GRSF1: variants seen among roughly 807,000 people sequenced by gnomAD.
GRSF1 encodes G-rich RNA sequence binding factor 1.
GRSF1 carries 50 observed loss-of-function variants against 51.1 expected under a neutral mutation model. That is an observed-to-expected ratio of 0.98 (90% CI 0.78 to 1.24). The LOEUF is 1.24. Among genes scored for constraint, GRSF1 ranks in the 50% most tolerant of loss-of-function variants. The pLI is 0.00. For missense variants in GRSF1, 700 were observed against 639.7 expected, an observed-to-expected ratio of 1.09 and a Z score of -1.02; for synonymous variants, 293 against 253.3, an observed-to-expected ratio of 1.16 and a Z score of -1.49.
chr4:70,836,978 G>A (rs909844100), intron 1 of GRSF1, among the ~76,000 whole-genome samples: 2 of 152,200 alleles, frequency 1.3e-5, no homozygotes, highest in Admixed American at 6.5e-5. Flanking sequence ...AGAGCAGAGG[G>A]CCTTGAGTGT....
chr4:70,827,675 A>AGGCTGG lies in GRSF1; in HGVS notation c.1135+176_1135+177insCCAGCC, dbSNP rs897763297. On this transcript the variant is annotated intron_variant, in intron 6 of 9. Transcript: ENST00000254799. ...CGCCTGTAGTCCCAGCTACTCAAAGAGGCTGAGGCAGGAGAATCACTTGAA... is the reference window on the plus strand; with the variant it reads ...CGCCTGTAGTCCCAGCTACTCAAAGAGGCTGGGGCTGAGGCAGGAGAATCACTTGAA... Among the ~76,000 whole-genome samples, 11 of 152,186 alleles carry AGGCTGG rather than the reference A, an allele frequency of 7.2e-5. 1 individual carries two copies. The highest frequency in any genetic ancestry group is 2.6e-4 in the African/African-American group (11 of 41,520).
intron 1 of GRSF1, 177 bp downstream of exon 1, chr4:70,839,294 C>A: frequency 6.7e-7 from 1 of 1,499,598 alleles, no homozygotes; most frequent in South Asian, 1.2e-5. Flanking sequence ...CCTGGGAGAG[C>A]TTCCCTTGTT....
intron 5 of GRSF1, among the ~76,000 whole-genome samples, chr4:70,829,336 A>G (rs1023847808): frequency 2.8e-5 from 3 of 108,130 alleles, no homozygotes; most frequent in Middle Eastern, 5.2e-3. Flanking sequence ...CCATCTCTAC[A>G]AAAGTTTTTT....
At chr4:70,839,340 G>C in intron 1 of GRSF1, 131 bp downstream of exon 1, 1 of 1,504,620 alleles carries the variant, frequency 6.6e-7, no homozygotes, top group Non-Finnish European at 8.9e-7. Flanking sequence ...GGACGGGGGC[G>C]GGTGTGCGGC....
intron 6 of GRSF1, among the ~76,000 whole-genome samples, chr4:70,827,504 G>A (rs1206732268): frequency 6.6e-6 from 1 of 152,030 alleles, no homozygotes; most frequent in Non-Finnish European, 1.5e-5. Flanking sequence ...AAATCTTTAG[G>A]CCGGGTGTGT....
rs758054727 is a variant in GRSF1 at position 70,833,258 on chromosome 4, T to C, written c.530A>G (p.Asn177Ser). ...LNFFSDCRIRNGENGIHFLLN... is the reference protein window; with the variant it reads ...LNFFSDCRIRSGENGIHFLLN... ...GAGAAAATGTATTCCATTCTCACCG[T>C]TGCGGATTCTGCAGTCTAAAAGTGT... is the stretch of plus-strand genomic sequence containing the variant. The change falls in exon 3 of 10, where the codon AAC becomes AGC. Residue 177 changes from asparagine to serine, a missense_variant. Transcript: ENST00000254799. 19 of 1,613,758 alleles carry C rather than the reference T, an allele frequency of 1.2e-5. No homozygotes were observed. Among genetic ancestry groups the C allele is most frequent in the East Asian group, 2.2e-5 (1 of 44,890 alleles).
chr4:70,835,834 T>C (rs1200897997), intron 2 of GRSF1, among the ~76,000 whole-genome samples: 2 of 152,210 alleles, frequency 1.3e-5, no homozygotes, highest in African/African-American at 4.8e-5. Context: ...TTGCCCAGTG[T>C]GGTATGGAAC....
chr4:70,839,231 G>A (rs1578312464), intron 1 of GRSF1: 2 of 1,457,672 alleles, frequency 1.4e-6, no homozygotes, highest in Non-Finnish European at 9.1e-7. Context: ...CACTTACACT[G>A]CCCAACCGAC....
rs1447226752 is a variant in GRSF1 at position 70,839,578 on chromosome 4, T to G, written c.250A>C (p.Thr84Pro). ...GCGGCGGCCGCGGCCGCGGCAGAGG[T>G]GGCCACAGCGGGAGGCCCCGCCAGC... Reference protein sequence around the residue: ...GRLAGPPAVATSAAAAAAASY... With the variant: ...GRLAGPPAVAPSAAAAAAASY... Residue 84 changes from threonine to proline, a missense_variant, in exon 1 of 10, where the codon ACC becomes CCC. Thr to Pro is a conservative substitution (Grantham distance 38). Transcript: ENST00000254799. 27 of 1,417,480 alleles carry G rather than the reference T, an allele frequency of 1.9e-5. No homozygotes were observed. The highest frequency in any genetic ancestry group is 2.5e-5 in the Non-Finnish European group (27 of 1,088,920). The allele number at this position is 1,417,480 out of a possible 1,614,324, so 87.8% of individuals were successfully genotyped here.
chr4:70,836,811 T>C (rs550509485), intron 1 of GRSF1, among the ~76,000 whole-genome samples: 124 of 152,248 alleles, frequency 8.1e-4, no homozygotes, highest in Non-Finnish European at 1.4e-3. Context: ...GAAGGAAGGA[T>C]AGAATTTTTA....
rs1733724656 is a variant in GRSF1, at chr4:70,826,105, A to G, written c.1257+19T>C. On this transcript the variant is annotated intron_variant, in intron 7 of 9. Coordinates refer to ENST00000254799, the MANE Select transcript of GRSF1 (RefSeq NM_002092.4). ...TTTTGTTCAAATCTATTGAGATTGGATATCTTACTGCCACACACGTTTATA... is the reference window on the plus strand; with the variant it reads ...TTTTGTTCAAATCTATTGAGATTGGGTATCTTACTGCCACACACGTTTATA... 4.4e-6 allele frequency: 7 copies of G among 1,600,050 alleles called. No homozygotes were observed. The highest frequency in any genetic ancestry group is 5.1e-6 in the Non-Finnish European group (6 of 1,171,564).
intron 1 of GRSF1, among the ~76,000 whole-genome samples, chr4:70,837,630 G>C (rs1578310468): frequency 6.7e-6 from 1 of 150,028 alleles, no homozygotes; most frequent in Non-Finnish European, 1.5e-5. Flanking sequence ...TCTACTATCT[G>C]TCATTTTCTT....
At chr4:70,837,674 C>T (rs552735662) in intron 1 of GRSF1, among the ~76,000 whole-genome samples, 3 of 151,140 alleles carry the variant, frequency 2.0e-5, no homozygotes, top group Non-Finnish European at 4.4e-5. Flanking sequence ...GAGTTTCGCT[C>T]TTGTCGCCCA....
chr4:70,825,549 T>C (rs750461303), intron 7 of GRSF1, 118 bp from the exon 8 acceptor site: 137 of 681,614 alleles, frequency 2.0e-4, no homozygotes, highest in Non-Finnish European at 2.8e-4. Context: ...CATTTCTTTT[T>C]AGGAAATCTT....
intron 9 of GRSF1, among the ~76,000 whole-genome samples, chr4:70,821,348 C>G (rs1338504372): frequency 6.6e-6 from 1 of 152,090 alleles, no homozygotes; most frequent in East Asian, 1.9e-4. Flanking sequence ...TCACTTGAAC[C>G]CAGGAGGCAG....
chr4:70,827,539 CT>C (rs749536526), intron 6 of GRSF1, among the ~76,000 whole-genome samples: 26 of 152,244 alleles, frequency 1.7e-4, no homozygotes, highest in Non-Finnish European at 3.4e-4. Flanking sequence ...AATCCCAGCA[CT>C]TTAGGAGGCT....
At chr4:70,821,642 T>G (rs1458622716) in intron 9 of GRSF1, among the ~76,000 whole-genome samples, 1 of 146,234 alleles carries the variant, frequency 6.8e-6, no homozygotes, top group Non-Finnish European at 1.5e-5. Flanking sequence ...TAGGATATAG[T>G]AATAGAATGA....
intron 7 of GRSF1, 159 bp from the exon 8 acceptor site, chr4:70,825,590 A>G: frequency 4.2e-6 from 2 of 474,414 alleles, no homozygotes; most frequent in Non-Finnish European, 7.2e-6. Context: ...TATATCTAGT[A>G]TGTCTTCTGG....
chr4:70,838,155 C>G (rs1441337155), intron 1 of GRSF1, among the ~76,000 whole-genome samples: 6 of 137,564 alleles, frequency 4.4e-5, no homozygotes. Context: ...GAAGGCGGAG[C>G]TTGCAGTGAG....
Sources: gnomAD v4.1 joint callset for allele counts (sites outside exome capture counted in the v4.1 genomes callset) on GRCh38, gnomAD v4.1.1 for gene constraint, MANE v1.5 for transcripts, NCBI Gene and HGNC (gene_info 2026-07-23, HGNC 2026-07-21) for gene names.